Variants in MARCHF1 observed in about 807,000 individuals in gnomAD.
MARCHF1 encodes the protein E3 ubiquitin-protein ligase MARCHF1.
Under a neutral mutation model 54.2 loss-of-function variants are expected in MARCHF1, and 40 were observed. That is an observed-to-expected ratio of 0.74 (90% CI 0.57 to 0.96). The LOEUF (loss-of-function observed/expected upper bound fraction) is 0.96. Ranked by LOEUF, MARCHF1 falls within the 40% of genes least tolerant of loss-of-function variation. The pLI, the probability that MARCHF1 is intolerant of heterozygous loss-of-function variation, is 0.00. For missense variants in MARCHF1, 586 were observed against 656.5 expected (o/e 0.89, Z 1.17); for synonymous variants, 236 against 236.3 (o/e 1.00, Z 0.01).
At chr4:164,081,522 C>T (rs768105354) in intron 2 of MARCHF1, among the ~76,000 whole-genome samples, 19 of 152,064 alleles carry the variant, frequency 1.2e-4, no homozygotes, top group Non-Finnish European at 2.4e-4. Context: ...GGACATTCTC[C>T]GAAGCCTGGG....
intron 1 of MARCHF1, among the ~76,000 whole-genome samples, chr4:164,171,096 T>C (rs1382639935): frequency 2.0e-5 from 3 of 152,204 alleles, no homozygotes; most frequent in African/African-American, 7.2e-5. Flanking sequence ...TATCATTCAA[T>C]AAATATTGCA....
At chr4:164,080,113 C>T (rs1473809361) in intron 2 of MARCHF1, among the ~76,000 whole-genome samples, 1 of 152,108 alleles carries the variant, frequency 6.6e-6, no homozygotes, top group Non-Finnish European at 1.5e-5. Flanking sequence ...ATCAAGTAAG[C>T]GCTCTGGCTA....
chr4:164,235,143 A>T (rs1732512893), intron 1 of MARCHF1, among the ~76,000 whole-genome samples: 1 of 151,946 alleles, frequency 6.6e-6, no homozygotes, highest in African/African-American at 2.4e-5. Flanking sequence ...TTCACTTCTC[A>T]TATGTAATTA....
intron 2 of MARCHF1, among the ~76,000 whole-genome samples, chr4:164,005,299 T>G (rs1753264280): frequency 6.6e-6 from 1 of 152,028 alleles, no homozygotes; most frequent in Non-Finnish European, 1.5e-5. Flanking sequence ...GCAATTAAAT[T>G]AATAATTTAA....
chr4:163,713,295 G>A (rs947486636), intron 4 of MARCHF1, among the ~76,000 whole-genome samples: 10 of 152,050 alleles, frequency 6.6e-5, no homozygotes, highest in Admixed American at 5.9e-4. Flanking sequence ...AAATAGAAAT[G>A]TCACTAGAGA....
intron 3 of MARCHF1, among the ~76,000 whole-genome samples, chr4:163,913,023 C>A (rs1560816763): frequency 6.6e-6 from 1 of 152,102 alleles, no homozygotes; most frequent in Non-Finnish European, 1.5e-5. Flanking sequence ...GATTTGCAGT[C>A]ATATATATTT....
chr4:163,945,856 A>G (rs1268660847), intron 3 of MARCHF1, among the ~76,000 whole-genome samples: 1 of 152,116 alleles, frequency 6.6e-6, no homozygotes, highest in East Asian at 1.9e-4. Flanking sequence ...GTGTCTAAGG[A>G]TGGTTCAGCT....
Position 164,193,809 on chromosome 4 carries a change from C to T in MARCHF1, c.-322-82147G>A, listed in dbSNP as rs528052757. 1.2e-4 allele frequency among the ~76,000 whole-genome samples: 18 copies of T among 152,252 alleles called. No homozygotes were observed. In the South Asian group the frequency reaches 3.3e-3, roughly 28 times the overall value. ...GATCTGTAAATTTCAGACCAATAGT[C>T]CAATGTTTGTCAGATAATTTCCAAA... On this transcript the variant is annotated intron_variant, in intron 1 of 9. Transcript: ENST00000514618.
At chr4:163,933,601 GTAGT>G (rs1216739426) in intron 3 of MARCHF1, among the ~76,000 whole-genome samples, 1 of 152,230 alleles carries the variant, frequency 6.6e-6, no homozygotes, top group East Asian at 1.9e-4. Context: ...ATATGAAAAT[GTAGT>G]TAATTACAAT....
chr4:163,836,899 A>AT (rs1201261180), intron 4 of MARCHF1, among the ~76,000 whole-genome samples: 1 of 151,972 alleles, frequency 6.6e-6, no homozygotes, highest in Non-Finnish European at 1.5e-5. Context: ...AGGAGGTCTA[A>AT]TTTTAAGTGA....
At chr4:164,216,334 G>C (rs1250701361) in intron 1 of MARCHF1, among the ~76,000 whole-genome samples, 4 of 152,116 alleles carry the variant, frequency 2.6e-5, no homozygotes, top group Admixed American at 2.0e-4. Flanking sequence ...ATAATGTGCA[G>C]TTACAGCTCT....
intron 2 of MARCHF1, among the ~76,000 whole-genome samples, chr4:164,071,815 A>G (rs1754872662): frequency 6.6e-6 from 1 of 152,186 alleles, no homozygotes; most frequent in Non-Finnish European, 1.5e-5. Context: ...CACACGGCAC[A>G]TATATGTAAG....
At chr4:163,757,881 C>T (rs933175995) in intron 4 of MARCHF1, among the ~76,000 whole-genome samples, 3 of 152,080 alleles carry the variant, frequency 2.0e-5, no homozygotes, top group Admixed American at 6.6e-5. Flanking sequence ...AGATGTCATT[C>T]GTTCACAGGG....
intron 2 of MARCHF1, among the ~76,000 whole-genome samples, chr4:164,072,721 A>G (rs1037960680): frequency 6.6e-6 from 1 of 151,856 alleles, no homozygotes; most frequent in African/African-American, 2.4e-5. Flanking sequence ...AAAAAAAAAA[A>G]AAAACTTCAT....
At chr4:163,929,681 C>T (rs572761076) in intron 3 of MARCHF1, among the ~76,000 whole-genome samples, 143 of 151,048 alleles carry the variant, frequency 9.5e-4, no homozygotes, top group African/African-American at 3.3e-3. Flanking sequence ...GTATCACAGA[C>T]GATGAAATCA....
chr4:163,611,646 C>T (rs564918241), intron 7 of MARCHF1, among the ~76,000 whole-genome samples: 120 of 152,096 alleles, frequency 7.9e-4, no homozygotes, highest in African/African-American at 2.7e-3. Flanking sequence ...AGAGCAAGAA[C>T]GCTGCCACAT....
chr4:163,816,663 G>A (rs1748541981), intron 4 of MARCHF1, among the ~76,000 whole-genome samples: 1 of 151,998 alleles, frequency 6.6e-6, no homozygotes, highest in South Asian at 2.1e-4. Context: ...GAGATAAGTG[G>A]TGCTATTATC....
intron 3 of MARCHF1, among the ~76,000 whole-genome samples, chr4:163,949,754 G>C (rs1752096486): frequency 9.3e-6 from 1 of 107,612 alleles, no homozygotes; most frequent in South Asian, 3.1e-4. Flanking sequence ...TGTCTGGAGT[G>C]TTTAGAACTC....
chr4:164,154,591 C>T (rs993396284), intron 1 of MARCHF1, among the ~76,000 whole-genome samples: 20 of 152,138 alleles, frequency 1.3e-4, no homozygotes, highest in Admixed American at 7.9e-4. Flanking sequence ...CCTTACGGGA[C>T]GGGAAGCACG....
Sources: allele counts gnomAD v4.1 joint callset (sites outside exome capture counted in the v4.1 genomes callset), GRCh38; gene constraint gnomAD v4.1.1; transcripts MANE v1.5; gene names NCBI Gene and HGNC (gene_info 2026-07-23, HGNC 2026-07-21).